TOR2A: variants seen among roughly 807,000 people sequenced by gnomAD.
The protein encoded by TOR2A is torsin family 2 member A.
TOR2A carries 24 observed loss-of-function variants against 28.6 expected under a neutral mutation model. The observed-to-expected ratio is 0.84, with a 90% CI of 0.61 to 1.18. The LOEUF (loss-of-function observed/expected upper bound fraction) is 1.18. Among genes scored for constraint, TOR2A ranks in the 50% most tolerant of loss-of-function variants. TOR2A has a pLI of 0.00. For synonymous variants in TOR2A, 203 were observed against 203.1 expected (o/e 1.00, Z 0.00); for missense variants, 426 against 448.1 (o/e 0.95, Z 0.45).
intron 4 of TOR2A, 93 bp from the exon 5 acceptor site, chr9:127,732,371 C>G: frequency 6.8e-7 from 1 of 1,481,020 alleles, no homozygotes; most frequent in Non-Finnish European, 8.9e-7. Context: ...AAAATGCTGG[C>G]CTCAGTTCCC....
chr9:127,732,505 G>C (rs756998924), intron 4 of TOR2A, 59 bp downstream of exon 4: 4 of 1,514,122 alleles, frequency 2.6e-6, no homozygotes, highest in Non-Finnish European at 3.5e-6. Flanking sequence ...CCCCGGGAGA[G>C]CCTGGCCCCT....
At chr9:127,734,790 C>T in intron 1 of TOR2A, 1 of 550,424 alleles carries the variant, frequency 1.8e-6, no homozygotes, top group Non-Finnish European at 2.9e-6. Flanking sequence ...GCACTCAGCT[C>T]TAAATGCGAG....
intron 2 of TOR2A, 188 bp downstream of exon 2, chr9:127,734,111 A>G (rs1588477656): frequency 2.9e-6 from 2 of 689,296 alleles, no homozygotes; most frequent in East Asian, 3.2e-5. Flanking sequence ...TTACTGCCCC[A>G]AGGAATCAAA....
intron 2 of TOR2A, chr9:127,733,797 A>G (rs569227): frequency 0.61 from 337,784 of 553,142 alleles, 105,457 homozygotes; most frequent in African/African-American, 0.75. Context: ...CCCTGTTCAG[A>G]GCTCCTTCCA....
At position 127,732,048 on chromosome 9, in the gene TOR2A, C is replaced by A. The variant is rs767435607; in HGVS notation, c.952G>T (p.Ala318Ser). 4 of 1,613,296 alleles carry A rather than the reference C, an allele frequency of 2.5e-6. No individual in the cohort carries two copies. Among genetic ancestry groups the A allele is most frequent in the Non-Finnish European group, 3.4e-6 (4 of 1,179,728 alleles). The change falls in exon 5 of 5, where the codon GCC becomes TCC. Residue 318 changes from alanine to serine, a missense_variant. Physicochemically the swap from Ala to Ser is moderately conservative, Grantham distance 99. Coordinates refer to ENST00000373284, the MANE Select transcript of TOR2A (RefSeq NM_001085347.3). Reference protein sequence around the residue: ...NGCKTVASRIAFFL With the variant: ...NGCKTVASRISFFL Reference sequence around the variant, plus strand: ...CACTCAGAGAGTCAGAGGAAGAAGGCGATTCGGGAGGCCACGGTCTTGCAG... The same window carrying A: ...CACTCAGAGAGTCAGAGGAAGAAGGAGATTCGGGAGGCCACGGTCTTGCAG...
rs1217576911 is a variant in TOR2A, at chr9:127,735,285, A to T, written c.-15T>A. The T allele has an allele frequency of 1.5e-6, 2 of 1,376,420 alleles. No homozygotes were observed. The highest frequency in any genetic ancestry group is 3.1e-5 in the East Asian group (1 of 32,702). The allele number at this position is 1,376,420 out of a possible 1,614,324, so 85.3% of individuals were successfully genotyped here. ...GCAGCCGCCATCCGGGTGAGGCCCG[A>T]GCTCGTTGTGGGGCAGTCAACTGCC... On this transcript the variant is annotated 5_prime_UTR_variant, in exon 1 of 5. Transcript: ENST00000373284.
rs1018484048 is a variant in TOR2A, at chr9:127,731,653, T to G, written c.*381A>C. 1.3e-5 allele frequency: 12 copies of G among 932,346 alleles called. No homozygotes were observed. The African/African-American group carries it at 1.7e-4, about 13-fold the overall frequency. 57.8% of individuals were successfully genotyped at this position (932,346 alleles called of 1,614,324 possible). On this transcript the variant is annotated 3_prime_UTR_variant, in exon 5 of 5. Transcript: ENST00000373284. Reference sequence around the variant, plus strand: ...TGAGAAGGCTCCACCTGGCTTGATATGGACACAGGGTGTGGGGTGGAGGGG... The same window carrying G: ...TGAGAAGGCTCCACCTGGCTTGATAGGGACACAGGGTGTGGGGTGGAGGGG...
At chr9:127,732,541 G>C (rs780944838) in intron 4 of TOR2A, 23 bp downstream of exon 4, 2 of 1,566,176 alleles carry the variant, frequency 1.3e-6, no homozygotes, top group Non-Finnish European at 1.7e-6. Context: ...CTGCCCGGGA[G>C]GGGGCTGCTG....
At chr9:127,733,773 C>T (rs1407488524) in intron 2 of TOR2A, 36 of 579,432 alleles carry the variant, frequency 6.2e-5, no homozygotes, top group Non-Finnish European at 1.1e-4. Flanking sequence ...GACTCAAACC[C>T]AAGCCTCCCA....
At position 127,732,021 on chromosome 9, in the gene TOR2A, A is replaced by G. The variant is rs748938757; in HGVS notation, c.*13T>C. 8.7e-6 allele frequency: 14 copies of G among 1,609,448 alleles called. No homozygotes were observed. The highest frequency in any genetic ancestry group is 3.3e-5 in the Admixed American group (2 of 59,750). ...CCTGGCCATCAGGGGGGCCGAGGAC[A>G]CCACTCAGAGAGTCAGAGGAAGAAG... On this transcript the variant is annotated 3_prime_UTR_variant, in exon 5 of 5. Transcript: ENST00000373284.
intron 3 of TOR2A, 172 bp from the exon 4 acceptor site, chr9:127,732,863 C>G: frequency 7.0e-7 from 1 of 1,427,948 alleles, no homozygotes; most frequent in Admixed American, 2.9e-5. Context: ...ATCCATGGCC[C>G]CTGTAATTCA....
intron 2 of TOR2A, 197 bp downstream of exon 2, chr9:127,734,102 T>C (rs1844583488): frequency 1.6e-6 from 1 of 614,964 alleles, no homozygotes; most frequent in Non-Finnish European, 2.6e-6. Flanking sequence ...CAGGGTTCCT[T>C]ACTGCCCCAA....
chr9:127,734,556 A>G lies in TOR2A; in HGVS notation c.160T>C (p.Cys54Arg). The change falls in exon 2 of 5, where the codon TGT becomes CGT. Residue 54 changes from cysteine to arginine, a missense_variant. By Grantham distance (180) the Cys-to-Arg change is radical. Coordinates refer to ENST00000373284, the MANE Select transcript of TOR2A (RefSeq NM_001085347.3). ...DFRPDLPGLE[C>R]DLAQHLAGQH... ...CCGGCCAGGTGCTGAGCCAGGTCAC[A>G]CTCCAGACCTAGGGCCACAGGAGGA... 1.3e-6 allele frequency: 2 copies of G among 1,510,836 alleles called. No individual in the cohort carries two copies. The highest frequency in any genetic ancestry group is 1.8e-6 in the Non-Finnish European group (2 of 1,130,490). The allele number at this position is 1,510,836 out of a possible 1,614,324, so 93.6% of individuals were successfully genotyped here.
Position 127,734,476 on chromosome 9 carries a change from G to A in TOR2A, c.240C>T (p.Asp80=). The A allele has an allele frequency of 1.9e-6, 3 of 1,600,146 alleles. No individual in the cohort carries two copies. Residue 80 remains aspartate (D), a synonymous_variant, in exon 2 of 5, where the codon GAC becomes GAT. Coordinates refer to ENST00000373284, the MANE Select transcript of TOR2A (RefSeq NM_001085347.3). ...VVKALKAFVR[D]PAPTKPLVLS... is the part of the protein sequence containing the mutation. The stretch of plus-strand genomic sequence containing the variant: ...GGACCAGCGGCTTGGTGGGGGCTGG[G>A]TCCCGCACAAAGGCCTTCAGCGCCT...
At position 127,732,022 on chromosome 9, in the gene TOR2A, C is replaced by A. The variant is rs1303229636; in HGVS notation, c.*12G>T. 1.2e-6 allele frequency: 2 copies of A among 1,610,276 alleles called. No individual in the cohort carries two copies. Among genetic ancestry groups the A allele is most frequent in the Admixed American group, 1.7e-5 (1 of 59,816 alleles). ...CTGGCCATCAGGGGGGCCGAGGACA[C>A]CACTCAGAGAGTCAGAGGAAGAAGG... On this transcript the variant is annotated 3_prime_UTR_variant, in exon 5 of 5. Coordinates refer to ENST00000373284, the MANE Select transcript of TOR2A (RefSeq NM_001085347.3).
chr9:127,733,106 T>C, intron 3 of TOR2A: 1 of 1,508,704 alleles, frequency 6.6e-7, no homozygotes, highest in South Asian at 1.4e-5. Flanking sequence ...CAGGCCTGTG[T>C]CCTCCTCACC....
rs1844423153 is a variant in TOR2A, at chr9:127,731,659, C to T, written c.*375G>A. 2 of 906,736 alleles carry T rather than the reference C, an allele frequency of 2.2e-6. No homozygotes were observed. Among genetic ancestry groups the T allele is most frequent in the Non-Finnish European group, 3.2e-6 (2 of 634,134 alleles). 56.2% of individuals were successfully genotyped at this position (906,736 alleles called of 1,614,324 possible). A position where few individuals can be genotyped will look rare whatever the true frequency, so the allele number is the denominator to read the frequency against. Reference sequence around the variant, plus strand: ...GGCTCCACCTGGCTTGATATGGACACAGGGTGTGGGGTGGAGGGGAGGAGG... The same window carrying T: ...GGCTCCACCTGGCTTGATATGGACATAGGGTGTGGGGTGGAGGGGAGGAGG... On this transcript the variant is annotated 3_prime_UTR_variant, in exon 5 of 5. Coordinates refer to ENST00000373284, the MANE Select transcript of TOR2A (RefSeq NM_001085347.3).
At position 127,734,406 on chromosome 9, in the gene TOR2A, A is replaced by T. The variant is rs1844598705; in HGVS notation, c.310T>A (p.Ser104Thr). The change falls in exon 2 of 5, where the codon TCC becomes ACC. Residue 104 changes from serine to threonine, a missense_variant. Coordinates refer to ENST00000373284, the MANE Select transcript of TOR2A (RefSeq NM_001085347.3). Reference protein sequence around the residue: ...WTGTGKSYVSSLLAHYLFQGG... With the variant: ...WTGTGKSYVSTLLAHYLFQGG... ...TGGAAGAGGTAGTGCGCCAGCAGGGAGCTGACATAGGATTTGCCGGTGCCG... is the reference window on the plus strand; with the variant it reads ...TGGAAGAGGTAGTGCGCCAGCAGGGTGCTGACATAGGATTTGCCGGTGCCG... 1.2e-6 allele frequency: 2 copies of T among 1,612,604 alleles called. No homozygotes were observed. The highest frequency in any genetic ancestry group is 1.7e-6 in the Non-Finnish European group (2 of 1,179,772).
At chr9:127,734,769 T>A (rs972088566) in intron 1 of TOR2A, 4 of 597,782 alleles carry the variant, frequency 6.7e-6, no homozygotes, top group Non-Finnish European at 1.0e-5. Context: ...CACCAGGCGG[T>A]CCTCTAGATT....
Sources: gnomAD v4.1 joint callset for allele counts on GRCh38, gnomAD v4.1.1 for gene constraint, MANE v1.5 for transcripts, NCBI Gene and HGNC (gene_info 2026-07-23, HGNC 2026-07-21) for gene names.